The following AFF3 variants were observed in gnomAD, a reference collection of about 807,000 sequenced individuals.
AFF3 encodes AF4/FMR2 family member 3.
A neutral mutation model predicts 129.7 loss-of-function variants in AFF3; 32 were observed. That is an observed-to-expected ratio of 0.25 (90% CI 0.19 to 0.33). The LOEUF (loss-of-function observed/expected upper bound fraction) is 0.33. Among genes scored for constraint, AFF3 ranks in the 10% least tolerant of loss-of-function variants. The probability of loss-of-function intolerance (pLI) is 1.00; values close to 1 mark genes in which losing one functional copy is unlikely to be tolerated. For missense variants in AFF3, 1,373 were observed against 1,592.0 expected, an observed-to-expected ratio of 0.86 and a Z score of 2.34; for synonymous variants, 644 against 635.4, an observed-to-expected ratio of 1.01 and a Z score of -0.20.
intron 13 of AFF3, among the ~76,000 whole-genome samples, chr2:99,610,794 T>C (rs1439557738): frequency 6.6e-6 from 1 of 152,222 alleles, no homozygotes. Context: ...TTGGGATTTG[T>C]TAGCTTCTTG....
chr2:100,113,788 G>GA (rs2105536348), intron 2 of AFF3, among the ~76,000 whole-genome samples: 1 of 152,264 alleles, frequency 6.6e-6, no homozygotes, highest in East Asian at 1.9e-4. Context: ...CAGGCAGAGG[G>GA]AAAACCACAG....
chr2:100,037,774 TTTA>T (rs1685085488), intron 4 of AFF3, among the ~76,000 whole-genome samples: 1 of 134,842 alleles, frequency 7.4e-6, no homozygotes, highest in Admixed American at 8.6e-5. Context: ...AATAAATATA[TTTA>T]TTTTTATATA....
At chr2:99,563,106 C>T (rs1444798884) in intron 20 of AFF3, among the ~76,000 whole-genome samples, 8 of 151,978 alleles carry the variant, frequency 5.3e-5, no homozygotes, top group South Asian at 4.2e-4. Context: ...CCCTTGCCAG[C>T]GCTCCAGGCC....
At chr2:99,977,153 C>T (rs1678976414) in intron 7 of AFF3, among the ~76,000 whole-genome samples, 1 of 152,158 alleles carries the variant, frequency 6.6e-6, no homozygotes, top group African/African-American at 2.4e-5. Flanking sequence ...GTGGCTTTGT[C>T]TGAAGTCAGG....
intron 12 of AFF3, among the ~76,000 whole-genome samples, chr2:99,659,634 T>C (rs1445895065): frequency 1.3e-5 from 2 of 152,190 alleles, no homozygotes; most frequent in Non-Finnish European, 2.9e-5. Flanking sequence ...AAAGTGCCAG[T>C]TGACTTGTCT....
At chr2:99,850,278 A>C (rs747764448) in intron 7 of AFF3, among the ~76,000 whole-genome samples, 2 of 152,174 alleles carry the variant, frequency 1.3e-5, no homozygotes, top group Non-Finnish European at 2.9e-5. Flanking sequence ...TGTGTGTTTA[A>C]TGTTTACCTT....
chr2:100,061,769 C>G (rs1392750458), intron 4 of AFF3, among the ~76,000 whole-genome samples: 1 of 149,122 alleles, frequency 6.7e-6, no homozygotes, highest in Non-Finnish European at 1.5e-5. Context: ...CAGAAGTCAA[C>G]AGAGAATTTT....
At chr2:100,001,121 G>T (rs1681368798) in intron 7 of AFF3, among the ~76,000 whole-genome samples, 1 of 152,198 alleles carries the variant, frequency 6.6e-6, no homozygotes, top group Non-Finnish European at 1.5e-5. Flanking sequence ...CATTCCGGGG[G>T]AGAAAGCTTT....
At chr2:99,644,708 G>A (rs1323326238) in intron 13 of AFF3, among the ~76,000 whole-genome samples, 1 of 152,160 alleles carries the variant, frequency 6.6e-6, no homozygotes, top group Non-Finnish European at 1.5e-5. Context: ...TTTTTGATCA[G>A]AGTTATCTAC....
rs778031473 is a variant in AFF3 at position 99,565,479 on chromosome 2, G to T, written c.3119+8C>A. On this transcript the variant is annotated splice_region_variant and intron_variant, in intron 20 of 24. Coordinates refer to ENST00000672756, the MANE Select transcript of AFF3 (RefSeq NM_001386135.1). Reference sequence around the variant, plus strand: ...TCCCCTCATCCAGCAAGAAAACACGGTGCTTACCTGATGAGCTCTACTGTT... The same window carrying T: ...TCCCCTCATCCAGCAAGAAAACACGTTGCTTACCTGATGAGCTCTACTGTT... The T allele has an allele frequency of 1.2e-6, 2 of 1,612,848 alleles. No individual in the cohort carries two copies. The highest frequency in any genetic ancestry group is 2.2e-5 in the South Asian group (2 of 91,006).
chr2:99,681,875 T>G (rs192453168), intron 11 of AFF3, among the ~76,000 whole-genome samples: 119 of 152,028 alleles, frequency 7.8e-4, no homozygotes, highest in Non-Finnish European at 1.4e-3. Context: ...AATCTTCTAT[T>G]CAGCCAGGGT....
chr2:99,551,699 A>T, intron 24 of AFF3, 104 bp from the exon 25 acceptor site: 3 of 1,419,060 alleles, frequency 2.1e-6, no homozygotes. Flanking sequence ...TATATAAATC[A>T]AGGATTCTCC....
intron 8 of AFF3, among the ~76,000 whole-genome samples, chr2:99,812,249 G>A (rs1441442821): frequency 2.6e-5 from 4 of 152,176 alleles, no homozygotes; most frequent in Middle Eastern, 6.8e-3. Flanking sequence ...TTCCAGAAGC[G>A]GTCAGCTTCT....
At chr2:99,828,514 G>T (rs1006295458) in intron 8 of AFF3, among the ~76,000 whole-genome samples, 2 of 152,206 alleles carry the variant, frequency 1.3e-5, no homozygotes, top group African/African-American at 2.4e-5. Context: ...GACAAGCAAG[G>T]CAGCAAGCAC....
At chr2:99,699,185 C>A (rs144478420) in intron 11 of AFF3, among the ~76,000 whole-genome samples, 1 of 152,170 alleles carries the variant, frequency 6.6e-6, no homozygotes, top group Non-Finnish European at 1.5e-5. Context: ...AAAACCACTG[C>A]GTTTTCCTAT....
chr2:99,844,238 G>A (rs1011478785), intron 7 of AFF3, among the ~76,000 whole-genome samples: 1 of 151,842 alleles, frequency 6.6e-6, no homozygotes, highest in Non-Finnish European at 1.5e-5. Context: ...AAAAATTATT[G>A]AGGCAAAATT....
intron 8 of AFF3, among the ~76,000 whole-genome samples, chr2:99,794,266 T>C (rs1277902847): frequency 6.6e-6 from 1 of 152,248 alleles, no homozygotes; most frequent in Non-Finnish European, 1.5e-5. Flanking sequence ...TAAATGTTTT[T>C]CTTTTCTTTC....
chr2:99,823,403 A>G (rs908374143), intron 8 of AFF3, among the ~76,000 whole-genome samples: 1 of 152,202 alleles, frequency 6.6e-6, no homozygotes, highest in African/African-American at 2.4e-5. Context: ...ATGTGCAGAA[A>G]TAAGTATTCT....
chr2:99,705,700 C>A (rs999694269), intron 11 of AFF3, among the ~76,000 whole-genome samples: 1 of 151,574 alleles, frequency 6.6e-6, no homozygotes, highest in East Asian at 1.9e-4. Flanking sequence ...ATGGTGAAAC[C>A]CTGTCTCTAC....
Sources: allele counts gnomAD v4.1 joint callset (sites outside exome capture counted in the v4.1 genomes callset), GRCh38; gene constraint gnomAD v4.1.1; transcripts MANE v1.5; gene names NCBI Gene and HGNC (gene_info 2026-07-23, HGNC 2026-07-21).